Variants in CD8B observed in about 807,000 individuals in gnomAD.
CD8B encodes the protein T-cell surface glycoprotein CD8 beta chain.
CD8B carries 6 observed loss-of-function variants against 24.2 expected under a neutral mutation model. The observed-to-expected ratio is 0.25, with a 90% CI of 0.14 to 0.49. The LOEUF (loss-of-function observed/expected upper bound fraction) is 0.49, where lower values mean the gene tolerates loss of function less well. CD8B is among the 20% of genes least tolerant of loss of function. The pLI, the probability that CD8B is intolerant of heterozygous loss-of-function variation, is 0.98. For missense variants in CD8B, 196 were observed against 271.3 expected (o/e 0.72, Z 1.95); for synonymous variants, 84 against 108.3 (o/e 0.78, Z 1.39).
At chr2:86,843,812 C>T (rs190019667) in intron 5 of CD8B, 61 of 322,408 alleles carry the variant, frequency 1.9e-4, no homozygotes, top group African/African-American at 3.8e-4. Flanking sequence ...ATTTAACAGA[C>T]GAGAAATCCG....
At chr2:86,852,632 T>C (rs909990511) in intron 3 of CD8B, among the ~76,000 whole-genome samples, 2 of 152,060 alleles carry the variant, frequency 1.3e-5, no homozygotes, top group African/African-American at 4.8e-5. Context: ...TTCTTTATTA[T>C]GGCCAAACAA....
downstream of CD8B, among the ~76,000 whole-genome samples, chr2:86,836,309 A>G (rs1172519711): frequency 6.6e-6 from 1 of 151,788 alleles, no homozygotes; most frequent in Non-Finnish European, 1.5e-5. Flanking sequence ...GAGCCAGAGG[A>G]CCCCCACAGG....
At chr2:86,855,395 G>T (rs1324898159) in intron 2 of CD8B, among the ~76,000 whole-genome samples, 1 of 152,148 alleles carries the variant, frequency 6.6e-6, no homozygotes, top group Non-Finnish European at 1.5e-5. Context: ...ACAACTTTTG[G>T]GGCAGGCACT....
intron 1 of CD8B, among the ~76,000 whole-genome samples, chr2:86,861,166 C>T (rs1038706789): frequency 1.5e-4 from 23 of 152,098 alleles, no homozygotes; most frequent in Admixed American, 3.3e-4. Flanking sequence ...GGTAGTTTTC[C>T]GGGTGTGTGG....
chr2:86,858,149 G>T lies in CD8B; in HGVS notation c.311C>A (p.Thr104Lys). ...RDASRFILNL[T>K]SVKPEDSGIY... The stretch of plus-strand genomic sequence containing the variant: ...GCCACTGTCTTCCGGCTTCACGCTT[G>T]TGAGATTGAGAATGAACCGGCTTGC... The change falls in exon 2 of 6, where the codon ACA (threonine) becomes AAA (lysine). Residue 104 changes from threonine to lysine, a missense_variant. Thr to Lys is a moderately conservative substitution (Grantham distance 78, BLOSUM62 -1). Transcript: ENST00000390655. 6.2e-7 allele frequency: 1 copy of T among 1,614,010 alleles called. No individual in the cohort carries two copies. The highest frequency in any genetic ancestry group is 1.1e-5 in the South Asian group (1 of 91,078).
intron 5 of CD8B, among the ~76,000 whole-genome samples, chr2:86,819,238 G>A (rs1045428033): frequency 1.3e-5 from 2 of 152,158 alleles, no homozygotes; most frequent in Non-Finnish European, 2.9e-5. Flanking sequence ...CAGCACAGCA[G>A]GTTATCCAAA....
intron 2 of CD8B, among the ~76,000 whole-genome samples, chr2:86,854,850 G>A (rs890305375): frequency 7.2e-5 from 11 of 152,110 alleles, no homozygotes; most frequent in Non-Finnish European, 4.4e-5. Context: ...GCTGGGCGCG[G>A]TGACTCACGC....
intron 5 of CD8B, among the ~76,000 whole-genome samples, chr2:86,827,306 G>C (rs112480165): frequency 6.6e-6 from 1 of 151,956 alleles, no homozygotes; most frequent in Non-Finnish European, 1.5e-5. Flanking sequence ...CTGAGAGTTC[G>C]GGTTTTATGT....
At chr2:86,849,215 G>A (rs1465424211) in intron 3 of CD8B, among the ~76,000 whole-genome samples, 1 of 152,238 alleles carries the variant, frequency 6.6e-6, no homozygotes, top group African/African-American at 2.4e-5. Flanking sequence ...GGAAGGGAGT[G>A]GGCTGCTACA....
rs1197533448 is a variant in CD8B at position 86,832,938 on chromosome 2, T to TCCTCC, written c.620+11979_620+11983dup. The TCCTCC allele has an allele frequency of 2.5e-3, 326 of 130,194 alleles. 4 individuals carry two copies. Among genetic ancestry groups the TCCTCC allele is most frequent in the African/African-American group, 0.012 (296 of 24,790 alleles). The allele number at this position is 130,194 out of a possible 1,614,324, so 8.1% of individuals were successfully genotyped here. ...TGGTCTCCTCTCCTCTCCTCTCCTC[T>TCCTCC]CCTCCCCTCTCCTCCCCTCCCCTCT... On this transcript the variant is annotated intron_variant, in intron 5 of 5. Transcript: ENST00000331469.
intron 2 of CD8B, among the ~76,000 whole-genome samples, chr2:86,854,110 C>G (rs1278839392): frequency 2.6e-5 from 4 of 152,072 alleles, no homozygotes; most frequent in Non-Finnish European, 5.9e-5. Context: ...CCTTGATTTC[C>G]TTATCTGCTG....
rs961763215 is a variant in CD8B, at chr2:86,838,477, GA to G, written c.*3829del. ...TTTTATGTTTTAAAAAATATGGGAA[GA>G]AAAAAAAACAAGAAACTTTTTAGAA... On this transcript the variant is annotated 3_prime_UTR_variant, in exon 6 of 6. Coordinates refer to ENST00000390655, the MANE Select transcript of CD8B (RefSeq NM_004931.5). Among the ~76,000 whole-genome samples, 312 of 144,908 alleles carry G rather than the reference GA, an allele frequency of 2.2e-3. 1 individual carries two copies. Among genetic ancestry groups the G allele is most frequent in the African/African-American group, 6.5e-3 (265 of 40,490 alleles).
intron 3 of CD8B, among the ~76,000 whole-genome samples, chr2:86,848,715 T>TATTTATTTATTTATTTATTG (rs1675816618): frequency 1.0e-5 from 1 of 98,254 alleles, no homozygotes. Flanking sequence ...TTTATTTATT[T>TATTTATTTATTTATTTATTG]ATTTATTTAT....
downstream of CD8B, among the ~76,000 whole-genome samples, chr2:86,833,439 G>A (rs1016167373): frequency 1.1e-4 from 16 of 143,338 alleles, no homozygotes; most frequent in Non-Finnish European, 2.0e-4. Context: ...TTGGCCTCCC[G>A]AAGTACTGAA....
intron 1 of CD8B, among the ~76,000 whole-genome samples, chr2:86,861,200 G>A (rs1676567945): frequency 6.6e-6 from 1 of 152,002 alleles, no homozygotes; most frequent in African/African-American, 2.4e-5. Context: ...AAGGCAGTCT[G>A]GCTGGGCTTA....
At chr2:86,831,245 T>C in intron 5 of CD8B, among the ~76,000 whole-genome samples, 1 of 152,276 alleles carries the variant, frequency 6.6e-6, no homozygotes, top group African/African-American at 2.4e-5. Flanking sequence ...ATTTTTGTGT[T>C]TTTGTAGAAA....
Position 86,841,414 on chromosome 2 carries a change from G to A in CD8B, c.*893C>T, listed in dbSNP as rs539822997. On this transcript the variant is annotated 3_prime_UTR_variant, in exon 6 of 6. Coordinates refer to ENST00000390655, the MANE Select transcript of CD8B (RefSeq NM_004931.5). The stretch of plus-strand genomic sequence containing the variant: ...CCTGCAGCCTGGCTCTGGGTGCCCT[G>A]GGCGCTTCCTAGCCTCTCTAGGACT... 1.9e-4 allele frequency among the ~76,000 whole-genome samples: 29 copies of A among 151,202 alleles called. No individual in the cohort carries two copies. The highest frequency in any genetic ancestry group is 6.8e-4 in the African/African-American group (28 of 41,130).
intron 5 of CD8B, chr2:86,843,484 C>T (rs1048090130): frequency 2.1e-6 from 2 of 956,930 alleles, no homozygotes; most frequent in African/African-American, 3.5e-5. Flanking sequence ...AAATCCAACA[C>T]ACAAGGTGAA....
intron 2 of CD8B, among the ~76,000 whole-genome samples, chr2:86,855,337 T>C (rs1003172114): frequency 2.6e-4 from 39 of 152,172 alleles, no homozygotes; most frequent in Non-Finnish European, 4.4e-5. Flanking sequence ...GCTCCAACCA[T>C]GTGTGGGGAG....
Sources: gnomAD v4.1 joint callset for allele counts (sites outside exome capture counted in the v4.1 genomes callset) on GRCh38, gnomAD v4.1.1 for gene constraint, MANE v1.5 for transcripts, NCBI Gene and HGNC (gene_info 2026-07-23, HGNC 2026-07-21) for gene names.